The following CNTNAP5 variants were observed in gnomAD, a reference collection of about 807,000 sequenced individuals.
CNTNAP5 encodes the protein contactin associated protein family member 5.
Under a neutral mutation model 150.2 loss-of-function variants are expected in CNTNAP5, and 72 were observed. That is an observed-to-expected ratio of 0.48 (90% confidence interval 0.40 to 0.58). CNTNAP5 has a LOEUF of 0.58. CNTNAP5 is among the 20% of genes least tolerant of loss of function. The probability of loss-of-function intolerance (pLI) is 0.00; values close to 1 mark genes in which losing one functional copy is unlikely to be tolerated. For missense variants in CNTNAP5, 1,636 were observed against 1,626.2 expected (o/e 1.01, Z -0.10); for synonymous variants, 672 against 619.8 (o/e 1.08, Z -1.25).
chr2:124,688,762 C>A (rs949840018), intron 13 of CNTNAP5, among the ~76,000 whole-genome samples: 1 of 152,022 alleles, frequency 6.6e-6, no homozygotes, highest in African/African-American at 2.4e-5. Flanking sequence ...GATGAAAAGT[C>A]ATTACCTTTG....
chr2:124,640,407 G>A (rs1218571496), intron 12 of CNTNAP5, among the ~76,000 whole-genome samples: 3 of 152,182 alleles, frequency 2.0e-5, no homozygotes, highest in African/African-American at 7.2e-5. Context: ...AGCCCGCCAC[G>A]CTGCGGTGTC....
At chr2:124,387,243 G>A (rs1303927096) in intron 3 of CNTNAP5, among the ~76,000 whole-genome samples, 1 of 152,198 alleles carries the variant, frequency 6.6e-6, no homozygotes, top group Non-Finnish European at 1.5e-5. Flanking sequence ...CTTTTCTGCT[G>A]GGGATAGCAA....
At chr2:124,089,273 AT>A (rs5834036) in intron 1 of CNTNAP5, among the ~76,000 whole-genome samples, 14,964 of 147,242 alleles carry the variant, frequency 0.1, 797 homozygotes, top group Non-Finnish European at 0.12. Context: ...GACCCCACCT[AT>A]TTTTTTTTTT....
intron 12 of CNTNAP5, among the ~76,000 whole-genome samples, chr2:124,624,619 A>C (rs533515743): frequency 6.6e-6 from 1 of 152,238 alleles, no homozygotes; most frequent in African/African-American, 2.4e-5. Flanking sequence ...ACTTGACATC[A>C]AGTTTACAAA....
At chr2:124,622,664 A>G (rs1677642632) in intron 12 of CNTNAP5, among the ~76,000 whole-genome samples, 1 of 151,932 alleles carries the variant, frequency 6.6e-6, no homozygotes, top group African/African-American at 2.4e-5. Flanking sequence ...AGCCATCCTG[A>G]TTGGTGTGAC....
At position 124,616,995 on chromosome 2, in the gene CNTNAP5, A is replaced by G. The variant is rs146949726; in HGVS notation, c.1876+7075A>G. The stretch of plus-strand genomic sequence containing the variant: ...ACCATAGCAAATGTAATAATAATAA[A>G]CAATTTGAAATATTGCAGTGGTGGA... On this transcript the variant is annotated intron_variant, in intron 12 of 23. Transcript: ENST00000682447. Among the ~76,000 whole-genome samples the G allele has an allele frequency of 7.1e-3, 1,088 of 152,284 alleles. 7 individuals carry two copies. The highest frequency in any genetic ancestry group is 0.012 in the Non-Finnish European group (810 of 68,016).
At chr2:124,594,530 G>C (rs1696776107) in intron 11 of CNTNAP5, among the ~76,000 whole-genome samples, 1 of 148,602 alleles carries the variant, frequency 6.7e-6, no homozygotes. Context: ...TGCTGTTTTG[G>C]TTACTGTAGC....
rs187343637 is a variant in CNTNAP5 at position 124,875,339 on chromosome 2, T to G, written c.3436+5577T>G. 2.5e-4 allele frequency among the ~76,000 whole-genome samples: 38 copies of G among 152,176 alleles called. No individual in the cohort carries two copies. The East Asian group carries it at 6.0e-3, about 24-fold the overall frequency. On this transcript the variant is annotated intron_variant, in intron 21 of 23. Transcript: ENST00000682447. ...TTGGAAGACTGAACTCTAATTCCTT[T>G]TTGATTTTGGACACAGAGCCTTCTT...
chr2:124,155,119 T>A (rs1389953603), intron 1 of CNTNAP5, among the ~76,000 whole-genome samples: 2 of 149,894 alleles, frequency 1.3e-5, no homozygotes, highest in East Asian at 3.9e-4. Flanking sequence ...ATTGTTCCAA[T>A]TTTTTTTCCT....
At chr2:124,527,990 A>G (rs1695015803) in intron 10 of CNTNAP5, among the ~76,000 whole-genome samples, 2 of 152,112 alleles carry the variant, frequency 1.3e-5, no homozygotes, top group African/African-American at 2.4e-5. Context: ...TTATCTCTCA[A>G]TTTCCCCTGG....
intron 10 of CNTNAP5, among the ~76,000 whole-genome samples, chr2:124,551,091 C>A (rs1695616906): frequency 6.6e-6 from 1 of 152,140 alleles, no homozygotes; most frequent in African/African-American, 2.4e-5. Context: ...GTGGCCTTCA[C>A]TGGCCCGTGC....
intron 13 of CNTNAP5, among the ~76,000 whole-genome samples, chr2:124,700,859 C>T (rs12993901): frequency 6.6e-6 from 1 of 151,822 alleles, no homozygotes; most frequent in African/African-American, 2.4e-5. Context: ...TAGGTTGGTG[C>T]AAATGCAATT....
At chr2:124,197,752 C>T (rs1573828184) in intron 1 of CNTNAP5, among the ~76,000 whole-genome samples, 1 of 152,050 alleles carries the variant, frequency 6.6e-6, no homozygotes, top group Non-Finnish European at 1.5e-5. Context: ...GAGCCTGAGG[C>T]GGGCGGATCA....
intron 13 of CNTNAP5, among the ~76,000 whole-genome samples, chr2:124,734,492 G>A (rs1680341146): frequency 6.6e-6 from 1 of 151,856 alleles, no homozygotes; most frequent in Non-Finnish European, 1.5e-5. Flanking sequence ...ATGGGAATGG[G>A]GGCTAGCGAA....
In CNTNAP5 at chr2:124,689,989, C is replaced by G. The variant is rs1232665761; in HGVS notation, c.2077+42031C>G. On this transcript the variant is annotated intron_variant, in intron 13 of 23. Transcript: ENST00000682447. ...AGTTCTGTTCTCCCTCACACTCTTTCTGTTTTACAACTCTTTCATCTTCAC... is the reference window on the plus strand; with the variant it reads ...AGTTCTGTTCTCCCTCACACTCTTTGTGTTTTACAACTCTTTCATCTTCAC... Among the ~76,000 whole-genome samples the G allele has an allele frequency of 2.6e-5, 4 of 151,898 alleles. No individual in the cohort carries two copies. The East Asian group carries it at 7.7e-4, about 29-fold the overall frequency.
rs1042723541 is a variant in CNTNAP5, at chr2:124,825,221, T to C, written c.3217+26901T>C. ...ACAAGGCATAGTGTATGTATGCCTC[T>C]TACCTTTAATAAGGATAACAAATTT... is the stretch of plus-strand genomic sequence containing the variant. On this transcript the variant is annotated intron_variant, in intron 19 of 23. Transcript: ENST00000682447. Among the ~76,000 whole-genome samples, 14 of 152,200 alleles carry C rather than the reference T, an allele frequency of 9.2e-5. No individual in the cohort carries two copies. In the East Asian group the frequency reaches 2.1e-3, roughly 23 times the overall value.
chr2:124,176,915 G>T (rs572153839), intron 1 of CNTNAP5, among the ~76,000 whole-genome samples: 1 of 146,950 alleles, frequency 6.8e-6, no homozygotes, highest in African/African-American at 2.5e-5. Flanking sequence ...CATGATCTTG[G>T]CCCACTGCAA....
At chr2:124,211,125 C>A (rs1198692613) in intron 1 of CNTNAP5, among the ~76,000 whole-genome samples, 1 of 152,130 alleles carries the variant, frequency 6.6e-6, no homozygotes, top group Non-Finnish European at 1.5e-5. Context: ...AACAACACAG[C>A]TCTTGGTACA....
At chr2:124,268,267 GT>G (rs559195592) in intron 3 of CNTNAP5, among the ~76,000 whole-genome samples, 40 of 152,270 alleles carry the variant, frequency 2.6e-4, no homozygotes, top group African/African-American at 8.7e-4. Flanking sequence ...TTGTTGTTGT[GT>G]TGTTTTGTTG....
Sources: allele counts gnomAD v4.1 joint callset (sites outside exome capture counted in the v4.1 genomes callset), GRCh38; gene constraint gnomAD v4.1.1; transcripts MANE v1.5; gene names NCBI Gene and HGNC (gene_info 2026-07-23, HGNC 2026-07-21).